Variants in MMP16 observed in about 807,000 individuals in gnomAD.
The protein encoded by MMP16 is matrix metalloproteinase-16.
In MMP16, 12 loss-of-function variants were observed where a neutral mutation model predicts 67.8. The ratio of observed to expected loss-of-function variants is 0.18; its 90% CI spans 0.11 to 0.29. The LOEUF (loss-of-function observed/expected upper bound fraction) is 0.29. Among genes scored for constraint, MMP16 ranks in the 10% least tolerant of loss-of-function variants. The pLI is 1.00. For synonymous variants in MMP16, 249 were observed against 255.9 expected (o/e 0.97, Z 0.26); for missense variants, 475 against 765.7 (o/e 0.62, Z 4.48).
At chr8:88,285,456 T>A (rs1810814823) in intron 1 of MMP16, among the ~76,000 whole-genome samples, 1 of 152,148 alleles carries the variant, frequency 6.6e-6, no homozygotes, top group African/African-American at 2.4e-5. Context: ...AACTGTTTTT[T>A]TATCTTTCCC....
At chr8:88,187,025 T>C (rs1001082206) in intron 2 of MMP16, among the ~76,000 whole-genome samples, 1 of 152,208 alleles carries the variant, frequency 6.6e-6, no homozygotes, top group Non-Finnish European at 1.5e-5. Flanking sequence ...ATTACCTGAG[T>C]TTAAATGCCA....
At position 88,287,442 on chromosome 8, in the gene MMP16, C is replaced by T. The variant is rs1810849808; in HGVS notation, c.132+39633G>A. Reference sequence around the variant, plus strand: ...CTAGATCAAAGTTATGAGTTTTCATCTCATCAAGTGCATCTTCTTCATAGC... The same window carrying T: ...CTAGATCAAAGTTATGAGTTTTCATTTCATCAAGTGCATCTTCTTCATAGC... On this transcript the variant is annotated intron_variant, in intron 1 of 9. Coordinates refer to ENST00000286614, the MANE Select transcript of MMP16 (RefSeq NM_005941.5). Among the ~76,000 whole-genome samples the T allele has an allele frequency of 2.0e-5, 3 of 152,178 alleles. No homozygotes were observed. The South Asian group carries it at 6.2e-4, about 31-fold the overall frequency.
At chr8:88,070,826 A>AT (rs1255630107) in intron 7 of MMP16, among the ~76,000 whole-genome samples, 1 of 152,036 alleles carries the variant, frequency 6.6e-6, no homozygotes, top group African/African-American at 2.4e-5. Flanking sequence ...TTTGAAAATC[A>AT]TTTTTTAATA....
Position 88,033,297 on chromosome 8 carries a change from T to C in MMP16, c.*8164A>G, listed in dbSNP as rs1307897680. ...TTCTCCTTAATCTATCTAGTAAATA[T>C]ATATATATATATGTATCATATATAC... is the stretch of plus-strand genomic sequence containing the variant. On this transcript the variant is annotated 3_prime_UTR_variant, in exon 10 of 10. Transcript: ENST00000286614. The C allele has an allele frequency of 1.3e-5, 2 of 149,388 alleles. No individual in the cohort carries two copies. The highest frequency in any genetic ancestry group is 4.9e-5 in the African/African-American group (2 of 40,930). The allele number at this position is 149,388 out of a possible 1,614,324, so 9.3% of individuals were successfully genotyped here.
intron 4 of MMP16, among the ~76,000 whole-genome samples, chr8:88,130,010 A>C (rs1356931540): frequency 6.6e-6 from 1 of 151,748 alleles, no homozygotes; most frequent in Non-Finnish European, 1.5e-5. Context: ...GCTTGATTAA[A>C]GCTATTGATG....
At chr8:88,048,844 GA>G (rs984171750) in intron 8 of MMP16, among the ~76,000 whole-genome samples, 1 of 152,060 alleles carries the variant, frequency 6.6e-6, no homozygotes, top group African/African-American at 2.4e-5. Context: ...TCTGAAATTA[GA>G]AAAAAATAAG....
At chr8:88,271,183 G>A (rs1350707715) in intron 1 of MMP16, among the ~76,000 whole-genome samples, 1 of 152,164 alleles carries the variant, frequency 6.6e-6, no homozygotes, top group East Asian at 1.9e-4. Flanking sequence ...AGAAGTGATT[G>A]TTTATAGATT....
intron 3 of MMP16, among the ~76,000 whole-genome samples, chr8:88,182,818 A>G (rs1266690936): frequency 1.7e-5 from 2 of 115,688 alleles, no homozygotes; most frequent in African/African-American, 5.3e-5. Context: ...GATGGCTTCA[A>G]TAAGTGAATG....
At chr8:88,259,049 A>C (rs1810347526) in intron 1 of MMP16, among the ~76,000 whole-genome samples, 1 of 151,842 alleles carries the variant, frequency 6.6e-6, no homozygotes. Context: ...ACCATACATC[A>C]CCTCCACATT....
At chr8:88,199,866 G>A (rs1809314528) in intron 1 of MMP16, among the ~76,000 whole-genome samples, 2 of 151,788 alleles carry the variant, frequency 1.3e-5, no homozygotes, top group Admixed American at 1.3e-4. Context: ...TACTAAATTT[G>A]TCTCTTGAGA....
Position 88,032,533 on chromosome 8 carries a change from T to G in MMP16, c.*8928A>C, listed in dbSNP as rs891223544. 6.6e-6 allele frequency: 1 copy of G among 152,130 alleles called. No homozygotes were observed. Among genetic ancestry groups the G allele is most frequent in the Non-Finnish European group, 1.5e-5 (1 of 68,010 alleles). The allele number at this position is 152,130 out of a possible 1,614,324, so 9.4% of individuals were successfully genotyped here. On this transcript the variant is annotated 3_prime_UTR_variant, in exon 10 of 10. Transcript: ENST00000286614. ...TGATTTACTAATAAAAGACAACTTG[T>G]GAATAATAAACACTGTTCAATGCAC...
chr8:88,064,738 G>A (rs1266072950), intron 7 of MMP16, among the ~76,000 whole-genome samples: 1 of 152,096 alleles, frequency 6.6e-6, no homozygotes, highest in Non-Finnish European at 1.5e-5. Context: ...TTTGGAGTAT[G>A]TTTTAATTTC....
chr8:88,153,039 A>G (rs1202178395), intron 4 of MMP16, among the ~76,000 whole-genome samples: 4 of 122,520 alleles, frequency 3.3e-5, no homozygotes, highest in Non-Finnish European at 5.2e-5. Context: ...AAATCAATGT[A>G]CAAAAATCAC....
At chr8:88,067,433 A>G (rs1196599626) in intron 7 of MMP16, among the ~76,000 whole-genome samples, 2 of 152,156 alleles carry the variant, frequency 1.3e-5, no homozygotes, top group Non-Finnish European at 2.9e-5. Flanking sequence ...TGTTAAAAAA[A>G]CAGTCTTATT....
chr8:88,226,640 G>A (rs947369466), intron 1 of MMP16, among the ~76,000 whole-genome samples: 1 of 151,930 alleles, frequency 6.6e-6, no homozygotes, highest in Non-Finnish European at 1.5e-5. Context: ...TTTCTACTAG[G>A]AATGTATTTT....
intron 1 of MMP16, among the ~76,000 whole-genome samples, chr8:88,302,605 A>C (rs1316364848): frequency 3.9e-5 from 6 of 152,206 alleles, no homozygotes. Flanking sequence ...AGGGGATGAA[A>C]AAAAGTAGGA....
intron 1 of MMP16, among the ~76,000 whole-genome samples, chr8:88,221,967 ATC>A (rs999600530): frequency 7.2e-5 from 11 of 152,088 alleles, no homozygotes; most frequent in Admixed American, 1.3e-4. Flanking sequence ...ATTACAAAAC[ATC>A]TGTCTTTTTA....
At chr8:88,202,045 T>C (rs745507051) in intron 1 of MMP16, among the ~76,000 whole-genome samples, 8 of 152,160 alleles carry the variant, frequency 5.3e-5, no homozygotes, top group Non-Finnish European at 7.3e-5. Context: ...AGGCAGAAAT[T>C]AGCCTTTTTC....
chr8:88,266,557 T>C (rs1320252710), intron 1 of MMP16, among the ~76,000 whole-genome samples: 2 of 152,300 alleles, frequency 1.3e-5, no homozygotes, highest in African/African-American at 4.8e-5. Flanking sequence ...CTTTATGGCA[T>C]TGTACTTCCA....
Sources: allele counts gnomAD v4.1 joint callset (sites outside exome capture counted in the v4.1 genomes callset), GRCh38; gene constraint gnomAD v4.1.1; transcripts MANE v1.5; gene names NCBI Gene and HGNC (gene_info 2026-07-23, HGNC 2026-07-21).